The following NEK1 variants were observed in gnomAD, a reference collection of about 807,000 sequenced individuals.
The protein encoded by NEK1 is NIMA related kinase 1, also known as serine/threonine-protein kinase Nek1.
In NEK1, 137 loss-of-function variants were observed where a neutral mutation model predicts 182.1. The ratio of observed to expected loss-of-function variants is 0.75; its 90% CI spans 0.65 to 0.87. The LOEUF is 0.87. NEK1 is among the 40% of genes least tolerant of loss of function. NEK1 has a pLI of 0.00. For missense variants in NEK1, 1,391 were observed against 1,494.4 expected, an observed-to-expected ratio of 0.93 and a Z score of 1.14; for synonymous variants, 513 against 492.2, an observed-to-expected ratio of 1.04 and a Z score of -0.56.
intron 23 of NEK1, among the ~76,000 whole-genome samples, chr4:169,499,556 A>T (rs1752023719): frequency 6.6e-6 from 1 of 151,944 alleles, no homozygotes; most frequent in African/African-American, 2.4e-5. Flanking sequence ...GTCTTTGATG[A>T]TGGTGACATA....
At chr4:169,587,352 T>G (rs1767701821) in intron 9 of NEK1, among the ~76,000 whole-genome samples, 1 of 151,894 alleles carries the variant, frequency 6.6e-6, no homozygotes, top group Non-Finnish European at 1.5e-5. Flanking sequence ...ATATGAAATA[T>G]TATAAAATAG....
At chr4:169,567,266 T>C (rs1763854007) in intron 12 of NEK1, among the ~76,000 whole-genome samples, 1 of 152,216 alleles carries the variant, frequency 6.6e-6, no homozygotes, top group South Asian at 2.1e-4. Flanking sequence ...CTTTTTCTTT[T>C]CTTCAAATGT....
chr4:169,599,097 T>C lies in NEK1; in HGVS notation c.312+3A>G. 1 of 1,611,086 alleles carries C rather than the reference T, an allele frequency of 6.2e-7. No individual in the cohort carries two copies. The highest frequency in any genetic ancestry group is 8.5e-7 in the Non-Finnish European group (1 of 1,177,996). ...AGAGTCAATTTCCTAAATGCAAACT[T>C]ACCTGATCCTCTTGAAACAAAACGC... On this transcript the variant is annotated splice_donor_region_variant and intron_variant, in intron 5 of 35. Coordinates refer to ENST00000507142, the MANE Select transcript of NEK1 (RefSeq NM_001199397.3).
chr4:169,412,422 C>T (rs538647451), intron 31 of NEK1, among the ~76,000 whole-genome samples: 36 of 152,306 alleles, frequency 2.4e-4, no homozygotes, highest in African/African-American at 7.9e-4. Flanking sequence ...TTGTAAAAGG[C>T]TTTTAATCAA....
chr4:169,420,618 A>G (rs534129453), intron 31 of NEK1, among the ~76,000 whole-genome samples: 1 of 152,210 alleles, frequency 6.6e-6, no homozygotes, highest in Non-Finnish European at 1.5e-5. Flanking sequence ...AATTCACTGA[A>G]ATGTCATTAT....
rs1762881593 is a variant in NEK1, at chr4:169,561,410, G to A, written c.1266+70C>T. 3.1e-6 allele frequency: 4 copies of A among 1,305,202 alleles called. No individual in the cohort carries two copies. The South Asian group carries it at 3.6e-5, about 12-fold the overall frequency. 80.9% of individuals were successfully genotyped at this position (1,305,202 alleles called of 1,614,324 possible). ...GAAAGAAAGAAAATCCCAAGTACAT[G>A]CATTTTATAGAACAAGGTGGAACTG... On this transcript the variant is annotated intron_variant, in intron 16 of 35. Coordinates refer to ENST00000507142, the MANE Select transcript of NEK1 (RefSeq NM_001199397.3).
At chr4:169,471,332 T>C (rs962872730) in intron 26 of NEK1, among the ~76,000 whole-genome samples, 5 of 152,214 alleles carry the variant, frequency 3.3e-5, no homozygotes, top group Non-Finnish European at 7.3e-5. Flanking sequence ...TTGTTGATGT[T>C]GATGCTATTG....
rs535447457 is a variant in NEK1, at chr4:169,500,539, C to T, written c.2007+6498G>A. Among the ~76,000 whole-genome samples the T allele has an allele frequency of 1.1e-3, 173 of 152,296 alleles. 3 individuals carry two copies. Among genetic ancestry groups the T allele is most frequent in the Non-Finnish European group, 1.5e-4 (10 of 68,016 alleles). ...AGCTGTTCCTATTCGGCCATCTTGG[C>T]TCCTCCTCCAACAATGGATTTCTTA... On this transcript the variant is annotated intron_variant, in intron 23 of 35. Coordinates refer to ENST00000507142, the MANE Select transcript of NEK1 (RefSeq NM_001199397.3).
chr4:169,603,557 GAAAACAGTAC>G (rs993809025), intron 2 of NEK1, among the ~76,000 whole-genome samples: 1 of 152,140 alleles, frequency 6.6e-6, no homozygotes, highest in African/African-American at 2.4e-5. Context: ...AGAATGTACT[GAAAACAGTAC>G]TTGGCACATA....
At chr4:169,515,255 C>T (rs1429654998) in intron 19 of NEK1, among the ~76,000 whole-genome samples, 1 of 151,896 alleles carries the variant, frequency 6.6e-6, no homozygotes, top group African/African-American at 2.4e-5. Flanking sequence ...GTGTATTTTG[C>T]TATTGTGGAG....
At chr4:169,486,737 T>A (rs1374974605) in intron 23 of NEK1, among the ~76,000 whole-genome samples, 2 of 152,226 alleles carry the variant, frequency 1.3e-5, no homozygotes, top group African/African-American at 4.8e-5. Context: ...CCAGAAGCAA[T>A]GAGTGTGTAC....
At chr4:169,466,478 G>A (rs1185657014) in intron 26 of NEK1, among the ~76,000 whole-genome samples, 1 of 151,746 alleles carries the variant, frequency 6.6e-6, no homozygotes, top group Non-Finnish European at 1.5e-5. Context: ...CTCATCACAA[G>A]TAATGTGCAT....
chr4:169,506,557 T>C (rs1753280909), intron 23 of NEK1: 1 of 152,080 alleles, frequency 6.6e-6, no homozygotes, highest in East Asian at 1.9e-4. Flanking sequence ...GTTTGAGACC[T>C]GCCTGGCCAA....
At chr4:169,507,974 A>G (rs887941663) in intron 21 of NEK1, among the ~76,000 whole-genome samples, 182 bp from the exon 22 acceptor site, 1 of 152,216 alleles carries the variant, frequency 6.6e-6, no homozygotes, top group African/African-American at 2.4e-5. Flanking sequence ...CTTTCAGAAC[A>G]ATGGAACAAA....
intron 23 of NEK1, among the ~76,000 whole-genome samples, chr4:169,493,346 A>C (rs548078131): frequency 3.0e-4 from 45 of 152,348 alleles, no homozygotes; most frequent in African/African-American, 1.1e-3. Flanking sequence ...CACTCAGATG[A>C]GAAGGAATCA....
At chr4:169,489,536 TC>T (rs1749677352) in intron 23 of NEK1, among the ~76,000 whole-genome samples, 1 of 152,070 alleles carries the variant, frequency 6.6e-6, no homozygotes, top group Non-Finnish European at 1.5e-5. Context: ...GCTATTCCCT[TC>T]CCCAATGCCT....
At chr4:169,581,897 T>TA (rs1227414375) in intron 10 of NEK1, among the ~76,000 whole-genome samples, 1 of 152,210 alleles carries the variant, frequency 6.6e-6, no homozygotes, top group African/African-American at 2.4e-5. Flanking sequence ...TTTATTAAGT[T>TA]ATTGAATATG....
chr4:169,537,123 T>C (rs1758636940), intron 19 of NEK1, among the ~76,000 whole-genome samples: 1 of 152,168 alleles, frequency 6.6e-6, no homozygotes, highest in Non-Finnish European at 1.5e-5. Flanking sequence ...GGTTGCTGAG[T>C]GGACAGACAT....
chr4:169,408,108 T>C (rs1446833372), intron 31 of NEK1, among the ~76,000 whole-genome samples: 1 of 152,234 alleles, frequency 6.6e-6, no homozygotes, highest in African/African-American at 2.4e-5. Context: ...CTTAGGTACC[T>C]GCTAATCAAT....
Sources: gnomAD v4.1 joint callset for allele counts (sites outside exome capture counted in the v4.1 genomes callset) on GRCh38, gnomAD v4.1.1 for gene constraint, MANE v1.5 for transcripts, NCBI Gene and HGNC (gene_info 2026-07-23, HGNC 2026-07-21) for gene names.